ADGRL3: variants seen among roughly 807,000 people sequenced by gnomAD.
ADGRL3 encodes calcium-independent alpha-latrotoxin receptor 3.
ADGRL3 carries 62 observed loss-of-function variants against 153.5 expected under a neutral mutation model. That is an observed-to-expected ratio of 0.40 (90% confidence interval 0.33 to 0.50). ADGRL3 has a LOEUF of 0.50. Among genes scored for constraint, ADGRL3 ranks in the 20% least tolerant of loss-of-function variants. The pLI is 0.47. For synonymous variants in ADGRL3, 710 were observed against 672.5 expected (o/e 1.06, Z -0.86); for missense variants, 1,641 against 1,859.4 (o/e 0.88, Z 2.16).
chr4:61,364,225 C>T (rs893734492), intron 1 of ADGRL3, among the ~76,000 whole-genome samples: 1 of 151,162 alleles, frequency 6.6e-6, no homozygotes, highest in Non-Finnish European at 1.5e-5. Flanking sequence ...CCCAGCTGCT[C>T]AGGAGGCTGA....
rs375463314 is a variant in ADGRL3 at position 61,289,581 on chromosome 4, T to C, written c.-240+87816T>C. ...ACCCATTTAGAGTTAAGATCTAAGGTAATTGTTTTTTTCTCTCTTACGCCA... is the reference window on the plus strand; with the variant it reads ...ACCCATTTAGAGTTAAGATCTAAGGCAATTGTTTTTTTCTCTCTTACGCCA... On this transcript the variant is annotated intron_variant, in intron 1 of 26. Coordinates refer to ENST00000683033, the MANE Select transcript of ADGRL3 (RefSeq NM_001387552.1). Among the ~76,000 whole-genome samples the C allele has an allele frequency of 1.1e-3, 166 of 152,072 alleles. 3 individuals carry two copies. The South Asian group carries it at 0.033, about 31-fold the overall frequency.
At position 61,895,851 on chromosome 4, in the gene ADGRL3, A is replaced by G. The variant is rs1251479979; in HGVS notation, c.1887+17A>G. 7.0e-7 allele frequency: 1 copy of G among 1,430,438 alleles called. No homozygotes were observed. Among genetic ancestry groups the G allele is most frequent in the Non-Finnish European group, 9.7e-7 (1 of 1,035,758 alleles). 88.6% of individuals were successfully genotyped at this position (1,430,438 alleles called of 1,614,324 possible). A position where few individuals can be genotyped will look rare whatever the true frequency, so the allele number is the denominator to read the frequency against. Reference sequence around the variant, plus strand: ...ACACAGAAGGTAAATCTTGTGACTGACAAGAAAGTCTTTGCTAAAACTATA... The same window carrying G: ...ACACAGAAGGTAAATCTTGTGACTGGCAAGAAAGTCTTTGCTAAAACTATA... On this transcript the variant is annotated intron_variant, in intron 11 of 26. Coordinates refer to ENST00000683033, the MANE Select transcript of ADGRL3 (RefSeq NM_001387552.1).
intron 6 of ADGRL3, among the ~76,000 whole-genome samples, chr4:61,720,824 C>G (rs539276383): frequency 3.9e-5 from 6 of 152,142 alleles, no homozygotes; most frequent in Admixed American, 6.5e-5. Context: ...GAGTTGTTCT[C>G]ATAATTATCA....
At chr4:61,471,412 G>A (rs1353925465) in intron 2 of ADGRL3, among the ~76,000 whole-genome samples, 3 of 151,634 alleles carry the variant, frequency 2.0e-5, no homozygotes, top group Admixed American at 6.6e-5. Context: ...AGATGGAAGT[G>A]ATGTTAATAG....
At position 62,070,930 on chromosome 4, in the gene ADGRL3, C is replaced by T; in HGVS notation, c.*22C>T. 2 of 1,517,268 alleles carry T rather than the reference C, an allele frequency of 1.3e-6. No individual in the cohort carries two copies. The highest frequency in any genetic ancestry group is 1.8e-6 in the Non-Finnish European group (2 of 1,127,710). The allele number at this position is 1,517,268 out of a possible 1,614,324, so 94.0% of individuals were successfully genotyped here. ...ATAGAAGATGACACAGAAATTGGAA[C>T]CAACAAAACTGCTAACACCTTGTTG... On this transcript the variant is annotated 3_prime_UTR_variant, in exon 27 of 27. Coordinates refer to ENST00000683033, the MANE Select transcript of ADGRL3 (RefSeq NM_001387552.1).
intron 8 of ADGRL3, among the ~76,000 whole-genome samples, chr4:61,741,274 C>T (rs1176997866): frequency 6.6e-6 from 1 of 152,120 alleles, no homozygotes; most frequent in Non-Finnish European, 1.5e-5. Context: ...TTGTCCTCAG[C>T]CTAGGGTATG....
chr4:61,442,047 C>A (rs933527846), intron 2 of ADGRL3, among the ~76,000 whole-genome samples: 2 of 152,070 alleles, frequency 1.3e-5, no homozygotes, highest in Non-Finnish European at 2.9e-5. Flanking sequence ...ATGTTTAATG[C>A]ACCTAGGATG....
intron 9 of ADGRL3, among the ~76,000 whole-genome samples, chr4:61,817,880 T>C (rs761730411): frequency 2.4e-4 from 37 of 152,082 alleles, no homozygotes; most frequent in Non-Finnish European, 4.3e-4. Flanking sequence ...GCCCCCATGA[T>C]TCAATTATTT....
intron 3 of ADGRL3, among the ~76,000 whole-genome samples, chr4:61,513,071 T>C (rs1449048143): frequency 6.6e-6 from 1 of 152,084 alleles, no homozygotes. Context: ...TATGCCCAGG[T>C]TGTATTTTGT....
intron 1 of ADGRL3, among the ~76,000 whole-genome samples, chr4:61,363,186 C>G (rs1343594958): frequency 6.6e-6 from 1 of 152,066 alleles, no homozygotes; most frequent in Non-Finnish European, 1.5e-5. Flanking sequence ...TAGCATTTGT[C>G]CTAATGTTAG....
intron 9 of ADGRL3, among the ~76,000 whole-genome samples, chr4:61,846,711 C>T (rs34764145): frequency 0.72 from 108,631 of 151,604 alleles, 40,018 homozygotes; most frequent in Non-Finnish European, 0.82. Context: ...TTCTGCAGGT[C>T]GTACAGGAAA....
chr4:61,909,769 G>A (rs777236325), intron 12 of ADGRL3, 24 bp downstream of exon 12: 117,603 of 944,600 alleles, frequency 0.12, 4,730 homozygotes, highest in Middle Eastern at 0.15. Flanking sequence ...TTATGTGTGT[G>A]TGTGTGTGTG....
intron 4 of ADGRL3, among the ~76,000 whole-genome samples, 195 bp downstream of exon 4, chr4:61,517,713 A>G (rs1206236743): frequency 6.6e-6 from 1 of 152,154 alleles, no homozygotes; most frequent in African/African-American, 2.4e-5. Context: ...CCTGTTCTAC[A>G]TCAGAGCTTC....
intron 9 of ADGRL3, among the ~76,000 whole-genome samples, chr4:61,892,054 T>A (rs1437868458): frequency 1.2e-4 from 18 of 152,164 alleles, no homozygotes; most frequent in Admixed American, 1.2e-3. Context: ...ATTTGAAAAT[T>A]GTGTGAAGGT....
chr4:61,590,985 G>A (rs186649007), intron 5 of ADGRL3, among the ~76,000 whole-genome samples: 9 of 152,068 alleles, frequency 5.9e-5, no homozygotes, highest in Admixed American at 2.0e-4. Context: ...TATATCATAC[G>A]TGTACACCTC....
At chr4:61,770,741 G>GACCT (rs2097074546) in intron 8 of ADGRL3, among the ~76,000 whole-genome samples, 1 of 152,110 alleles carries the variant, frequency 6.6e-6, no homozygotes, top group South Asian at 2.1e-4. Flanking sequence ...TAAAGAGGCT[G>GACCT]ACCTACCTAT....
chr4:62,028,651 A>T (rs907283342), intron 21 of ADGRL3, among the ~76,000 whole-genome samples: 1 of 151,864 alleles, frequency 6.6e-6, no homozygotes, highest in African/African-American at 2.4e-5. Context: ...ATATTGCAGT[A>T]TTATAAAATT....
At chr4:61,831,539 GCAATTTCAAGGTCTGGCCACAC>G (rs958527813) in intron 9 of ADGRL3, among the ~76,000 whole-genome samples, 2 of 150,500 alleles carry the variant, frequency 1.3e-5, no homozygotes, top group African/African-American at 4.9e-5. Flanking sequence ...GTGAAAGAAT[GCAATTTCAAGGTCTGGCCACAC>G]CAGTGCATTT....
intron 6 of ADGRL3, among the ~76,000 whole-genome samples, chr4:61,704,520 C>T (rs1267955780): frequency 2.0e-5 from 3 of 152,160 alleles, no homozygotes; most frequent in African/African-American, 7.2e-5. Context: ...GGTGGAAGCT[C>T]TCGCCTTGAT....
Sources: allele counts gnomAD v4.1 joint callset (sites outside exome capture counted in the v4.1 genomes callset), GRCh38; gene constraint gnomAD v4.1.1; transcripts MANE v1.5; gene names NCBI Gene and HGNC (gene_info 2026-07-23, HGNC 2026-07-21).